RABGAP1L: variants seen among roughly 807,000 people sequenced by gnomAD.
RABGAP1L encodes the protein rab GTPase-activating protein 1-like.
Under a neutral mutation model 137.7 loss-of-function variants are expected in RABGAP1L, and 63 were observed. The ratio of observed to expected loss-of-function variants is 0.46; its 90% CI spans 0.37 to 0.56. The LOEUF is 0.56. RABGAP1L is among the 20% of genes least tolerant of loss of function. The pLI is 0.00. For missense variants in RABGAP1L, 1,095 were observed against 1,244.0 expected (o/e 0.88, Z 1.80); for synonymous variants, 431 against 433.7 (o/e 0.99, Z 0.08).
At chr1:174,216,659 T>G (rs1669350576) in intron 1 of RABGAP1L, among the ~76,000 whole-genome samples, 1 of 151,846 alleles carries the variant, frequency 6.6e-6, no homozygotes, top group African/African-American at 2.4e-5. Flanking sequence ...AGATCCACAT[T>G]TTTGACCTAT....
chr1:174,620,266 G>T (rs1344641702), intron 13 of RABGAP1L, among the ~76,000 whole-genome samples: 1 of 152,106 alleles, frequency 6.6e-6, no homozygotes, highest in African/African-American at 2.4e-5. Context: ...ATTGAACTCA[G>T]CTCTGCACCA....
At chr1:174,460,010 A>G (rs1393756295) in intron 13 of RABGAP1L, among the ~76,000 whole-genome samples, 2 of 152,096 alleles carry the variant, frequency 1.3e-5, no homozygotes, top group Non-Finnish European at 2.9e-5. Flanking sequence ...CAGACCAGTC[A>G]ACGGACTGAA....
At chr1:174,966,403 A>G (rs1233272974) in intron 20 of RABGAP1L, among the ~76,000 whole-genome samples, 1 of 152,196 alleles carries the variant, frequency 6.6e-6, no homozygotes, top group East Asian at 1.9e-4. Context: ...TCATGTTGAA[A>G]TTGTGCTGGT....
intron 11 of RABGAP1L, among the ~76,000 whole-genome samples, chr1:174,311,737 G>C (rs1325338616): frequency 3.9e-5 from 6 of 152,168 alleles, no homozygotes; most frequent in Non-Finnish European, 7.4e-5. Flanking sequence ...CTTCTGAGTA[G>C]CTGGGATTAT....
chr1:174,297,038 C>T (rs1677184772), intron 10 of RABGAP1L, among the ~76,000 whole-genome samples: 2 of 152,104 alleles, frequency 1.3e-5, no homozygotes, highest in Non-Finnish European at 2.9e-5. Flanking sequence ...TTAGGCAAAA[C>T]AATGATAAGA....
intron 19 of RABGAP1L, among the ~76,000 whole-genome samples, chr1:174,894,455 T>TA (rs1656793732): frequency 6.6e-6 from 1 of 152,204 alleles, no homozygotes; most frequent in South Asian, 2.1e-4. Context: ...TCAAGATTGT[T>TA]ACACAAGAAT....
At chr1:174,645,956 C>G (rs1440957206) in intron 14 of RABGAP1L, among the ~76,000 whole-genome samples, 2 of 152,088 alleles carry the variant, frequency 1.3e-5, no homozygotes, top group African/African-American at 4.8e-5. Context: ...CTCTAGTGAC[C>G]AATTATAATG....
intron 13 of RABGAP1L, among the ~76,000 whole-genome samples, chr1:174,584,991 T>C (rs772174350): frequency 3.3e-5 from 5 of 152,174 alleles, no homozygotes; most frequent in Non-Finnish European, 7.3e-5. Flanking sequence ...ATGTGAAAAG[T>C]CAGAATTGAC....
chr1:174,906,146 T>C (rs1180631282), intron 19 of RABGAP1L, among the ~76,000 whole-genome samples: 2 of 152,032 alleles, frequency 1.3e-5, no homozygotes, highest in South Asian at 2.1e-4. Context: ...GCCTCCTAAG[T>C]AGCTAGGACT....
intron 11 of RABGAP1L, among the ~76,000 whole-genome samples, chr1:174,353,327 G>A (rs1007511025): frequency 6.6e-6 from 1 of 152,134 alleles, no homozygotes; most frequent in African/African-American, 2.4e-5. Context: ...ATTGGAAGGA[G>A]TATCCACCAA....
intron 13 of RABGAP1L, among the ~76,000 whole-genome samples, chr1:174,597,511 A>G (rs1427313046): frequency 2.0e-5 from 3 of 151,806 alleles, no homozygotes; most frequent in South Asian, 4.1e-4. Context: ...ATGGTTGTTG[A>G]TAGTAGCTTC....
intron 13 of RABGAP1L, among the ~76,000 whole-genome samples, chr1:174,463,166 A>G (rs907174971): frequency 2.6e-5 from 4 of 152,256 alleles, no homozygotes; most frequent in African/African-American, 4.8e-5. Flanking sequence ...TACTGGGTAT[A>G]TACCCAAAGG....
chr1:174,663,120 T>C (rs934343233), intron 14 of RABGAP1L, among the ~76,000 whole-genome samples: 5 of 152,214 alleles, frequency 3.3e-5, no homozygotes, highest in African/African-American at 1.2e-4. Flanking sequence ...GCTGCATTAG[T>C]GTACAGTAAT....
chr1:174,740,017 G>T (rs1295900572), intron 17 of RABGAP1L, among the ~76,000 whole-genome samples: 2 of 152,160 alleles, frequency 1.3e-5, no homozygotes, highest in African/African-American at 2.4e-5. Context: ...ATATTATTAT[G>T]ATTCTTAAAG....
At chr1:174,496,597 A>C (rs1038050430) in intron 13 of RABGAP1L, among the ~76,000 whole-genome samples, 7 of 152,212 alleles carry the variant, frequency 4.6e-5, no homozygotes, top group Non-Finnish European at 8.8e-5. Context: ...CTCAGTGAAC[A>C]CAACAAGCAC....
At chr1:174,184,667 T>G (rs1666662418) in intron 1 of RABGAP1L, among the ~76,000 whole-genome samples, 1 of 152,106 alleles carries the variant, frequency 6.6e-6, no homozygotes, top group Admixed American at 6.5e-5. Context: ...CCAGACAAAT[T>G]GGGGCTTTGC....
At chr1:174,623,737 A>G (rs1208816943) in intron 13 of RABGAP1L, among the ~76,000 whole-genome samples, 3 of 152,062 alleles carry the variant, frequency 2.0e-5, no homozygotes, top group Admixed American at 6.6e-5. Flanking sequence ...CTGTAGGTAA[A>G]ACTTGTATGG....
intron 13 of RABGAP1L, among the ~76,000 whole-genome samples, chr1:174,615,898 T>C (rs1671800277): frequency 1.3e-5 from 2 of 152,252 alleles, no homozygotes; most frequent in South Asian, 4.1e-4. Context: ...CAGGATATAA[T>C]CTCCTGGTGC....
chr1:174,836,955 C>G (rs1253894661), intron 19 of RABGAP1L, among the ~76,000 whole-genome samples: 1 of 152,122 alleles, frequency 6.6e-6, no homozygotes, highest in Non-Finnish European at 1.5e-5. Context: ...GCCTGTAATC[C>G]CAGCACTTTG....
Sources: allele counts gnomAD v4.1 joint callset (sites outside exome capture counted in the v4.1 genomes callset), GRCh38; gene constraint gnomAD v4.1.1; transcripts MANE v1.5; gene names NCBI Gene and HGNC (gene_info 2026-07-23, HGNC 2026-07-21).